The following SGMS2 variants were observed in gnomAD, a reference collection of about 807,000 sequenced individuals.
SGMS2 encodes the protein sphingomyelin synthase 2.
A neutral mutation model predicts 43.8 loss-of-function variants in SGMS2; 21 were observed. The observed-to-expected ratio is 0.48, with a 90% CI of 0.34 to 0.69. SGMS2 has a LOEUF of 0.69. Ranked by LOEUF, SGMS2 falls within the 30% of genes least tolerant of loss-of-function variation. The pLI is 0.01. For synonymous variants in SGMS2, 167 were observed against 160.6 expected, an observed-to-expected ratio of 1.04 and a Z score of -0.30; for missense variants, 384 against 443.2, an observed-to-expected ratio of 0.87 and a Z score of 1.20.
chr4:107,878,207 C>T (rs1729077645), intron 2 of SGMS2, among the ~76,000 whole-genome samples: 2 of 152,148 alleles, frequency 1.3e-5, no homozygotes, highest in South Asian at 4.1e-4. Context: ...AGCCACTGTG[C>T]CCGGCCTCAG....
rs74350372 is a variant in SGMS2 at position 107,859,628 on chromosome 4, C to T, written c.-245+1075C>T. Among the ~76,000 whole-genome samples the T allele has an allele frequency of 9.8e-3, 1,499 of 152,216 alleles. 19 individuals carry two copies. The highest frequency in any genetic ancestry group is 0.034 in the African/African-American group (1,419 of 41,530). ...ATACTTACTGAACGCTTTCTATGTG[C>T]CAGGCATTCTTGTCAGTGTTGCGAA... On this transcript the variant is annotated intron_variant, in intron 2 of 6. Transcript: ENST00000690982.
chr4:107,826,419 G>A (rs1270719945), intron 1 of SGMS2, among the ~76,000 whole-genome samples: 1 of 152,188 alleles, frequency 6.6e-6, no homozygotes, highest in African/African-American at 2.4e-5. Context: ...TACCTGAGAA[G>A]GTTATGGTTT....
chr4:107,874,626 T>C (rs1728779298), intron 2 of SGMS2, among the ~76,000 whole-genome samples: 1 of 152,182 alleles, frequency 6.6e-6, no homozygotes, highest in Non-Finnish European at 1.5e-5. Flanking sequence ...ATACAAACTT[T>C]CTAGTGAACA....
chr4:107,879,286 G>C (rs1268723198), intron 2 of SGMS2, among the ~76,000 whole-genome samples: 1 of 151,950 alleles, frequency 6.6e-6, no homozygotes, highest in South Asian at 2.1e-4. Context: ...TCATTAGATA[G>C]TTCTTGATCT....
chr4:107,829,699 C>A (rs1458873470), intron 1 of SGMS2, among the ~76,000 whole-genome samples: 1 of 152,074 alleles, frequency 6.6e-6, no homozygotes, highest in Non-Finnish European at 1.5e-5. Flanking sequence ...TATGTACAGT[C>A]TTTCCTTTCA....
chr4:107,907,831 T>C (rs1731715124), intron 5 of SGMS2: 2 of 152,248 alleles, frequency 1.3e-5, no homozygotes, highest in South Asian at 4.1e-4. Context: ...GTTATATTTG[T>C]CATTAACACT....
chr4:107,894,556 G>A (rs1409161487), intron 2 of SGMS2: 2 of 152,126 alleles, frequency 1.3e-5, no homozygotes, highest in African/African-American at 4.8e-5. Flanking sequence ...TCAAAATATT[G>A]TTAGTTACTA....
chr4:107,894,630 G>A (rs781499533), intron 2 of SGMS2, among the ~76,000 whole-genome samples: 22 of 152,136 alleles, frequency 1.4e-4, no homozygotes, highest in African/African-American at 3.6e-4. Context: ...TGTTACCTGC[G>A]TGAGAGACAT....
intron 2 of SGMS2, among the ~76,000 whole-genome samples, chr4:107,865,269 C>T (rs2126041524): frequency 6.6e-6 from 1 of 152,158 alleles, no homozygotes; most frequent in Middle Eastern, 3.4e-3. Context: ...AGTCTGCAAC[C>T]CAGAAAAAAA....
intron 1 of SGMS2, among the ~76,000 whole-genome samples, chr4:107,853,811 G>T (rs1276102016): frequency 6.6e-6 from 1 of 152,140 alleles, no homozygotes; most frequent in Non-Finnish European, 1.5e-5. Flanking sequence ...GTTACAGTTA[G>T]CAAACTGTTA....
At position 107,914,422 on chromosome 4, in the gene SGMS2, C is replaced by G. The variant is rs1732325372; in HGVS notation, c.*3869C>G. 6.6e-6 allele frequency: 1 copy of G among 151,944 alleles called. No homozygotes were observed. The highest frequency in any genetic ancestry group is 1.5e-5 in the Non-Finnish European group (1 of 67,960). 9.4% of individuals were successfully genotyped at this position (151,944 alleles called of 1,614,324 possible). The stretch of plus-strand genomic sequence containing the variant: ...AGTTAGAATTCATTATTTAATTTAC[C>G]TCCTATGCAATGATTAATGCTGCAA... On this transcript the variant is annotated 3_prime_UTR_variant, in exon 7 of 7. Transcript: ENST00000690982.
chr4:107,846,954 G>A (rs1726863558), intron 1 of SGMS2, among the ~76,000 whole-genome samples: 2 of 152,038 alleles, frequency 1.3e-5, no homozygotes, highest in Admixed American at 1.3e-4. Flanking sequence ...ACTTTTTGAT[G>A]GGCTTGTTTG....
At chr4:107,889,279 G>T (rs1462431839) in intron 2 of SGMS2, among the ~76,000 whole-genome samples, 1 of 152,120 alleles carries the variant, frequency 6.6e-6, no homozygotes. Flanking sequence ...TTTGGGCTAG[G>T]TTCATAGTTT....
intron 2 of SGMS2, among the ~76,000 whole-genome samples, chr4:107,881,881 G>C (rs1729383705): frequency 6.6e-6 from 1 of 152,074 alleles, no homozygotes; most frequent in Admixed American, 6.6e-5. Flanking sequence ...GTCTTTTTGT[G>C]CCTGGCTTAT....
intron 4 of SGMS2, among the ~76,000 whole-genome samples, 176 bp from the exon 5 acceptor site, chr4:107,903,057 C>T (rs1430525744): frequency 2.6e-5 from 4 of 151,586 alleles, no homozygotes; most frequent in African/African-American, 4.8e-5. Flanking sequence ...TAAAGCTTGC[C>T]AATAAATGAA....
intron 2 of SGMS2, among the ~76,000 whole-genome samples, chr4:107,887,411 C>T (rs1288594394): frequency 6.6e-6 from 1 of 152,142 alleles, no homozygotes; most frequent in Non-Finnish European, 1.5e-5. Context: ...TGATAATGTA[C>T]ATTAAGTCAT....
chr4:107,893,460 C>G (rs899640733), intron 2 of SGMS2: 1 of 152,234 alleles, frequency 6.6e-6, no homozygotes, highest in Non-Finnish European at 1.5e-5. Flanking sequence ...TTAGAAGTAG[C>G]AGTTCATGGT....
intron 2 of SGMS2, among the ~76,000 whole-genome samples, chr4:107,872,405 A>G (rs1347011672): frequency 3.9e-5 from 6 of 152,154 alleles, no homozygotes; most frequent in Admixed American, 3.3e-4. Context: ...ATTGTCTTAC[A>G]TTAGCAGAAT....
At chr4:107,859,126 A>T (rs1226554673) in intron 2 of SGMS2, among the ~76,000 whole-genome samples, 1 of 152,202 alleles carries the variant, frequency 6.6e-6, no homozygotes, top group African/African-American at 2.4e-5. Flanking sequence ...GAGTACTTGG[A>T]ATTTTATTTC....
Sources: gnomAD v4.1 joint callset for allele counts (sites outside exome capture counted in the v4.1 genomes callset) on GRCh38, gnomAD v4.1.1 for gene constraint, MANE v1.5 for transcripts, NCBI Gene and HGNC (gene_info 2026-07-23, HGNC 2026-07-21) for gene names.